Variants in TNIK observed in about 807,000 individuals in gnomAD.
TNIK encodes the protein TRAF2 and NCK interacting kinase, also known as TRAF2 and NCK-interacting protein kinase.
Under a neutral mutation model 191.3 loss-of-function variants are expected in TNIK, and 49 were observed. That is an observed-to-expected ratio of 0.26 (90% CI 0.20 to 0.32). The LOEUF (loss-of-function observed/expected upper bound fraction) is 0.32. Ranked by LOEUF, TNIK falls within the 10% of genes least tolerant of loss-of-function variation. TNIK has a pLI of 1.00. For missense variants in TNIK, 1,155 were observed against 1,702.3 expected (o/e 0.68, Z 5.66); for synonymous variants, 594 against 600.9 (o/e 0.99, Z 0.17).
intron 2 of TNIK, among the ~76,000 whole-genome samples, chr3:171,327,928 A>AAAAAAAAAC (rs1560433753): frequency 2.5e-4 from 33 of 129,502 alleles, no homozygotes; most frequent in African/African-American, 1.0e-3. Context: ...AAAAAAAAAA[A>AAAAAAAAAC]AAATCACTTG....
At chr3:171,274,939 C>T (rs190446221) in intron 2 of TNIK, among the ~76,000 whole-genome samples, 3 of 152,252 alleles carry the variant, frequency 2.0e-5, no homozygotes, top group Non-Finnish European at 2.9e-5. Flanking sequence ...TGAGATTCTT[C>T]GAAGGCCAGA....
At chr3:171,330,488 A>G (rs892037745) in intron 2 of TNIK, among the ~76,000 whole-genome samples, 1 of 152,218 alleles carries the variant, frequency 6.6e-6, no homozygotes, top group Non-Finnish European at 1.5e-5. Context: ...TTCTAGAGAT[A>G]GAGTGTATAG....
intron 1 of TNIK, among the ~76,000 whole-genome samples, chr3:171,421,517 T>G (rs1477718509): frequency 6.6e-6 from 1 of 152,110 alleles, no homozygotes; most frequent in East Asian, 1.9e-4. Flanking sequence ...ACCAGCCCTT[T>G]TGGGTGTGGG....
In TNIK at chr3:171,204,231, G is replaced by A. The variant is rs9839636; in HGVS notation, c.306+6885C>T. Among the ~76,000 whole-genome samples, 710 of 152,288 alleles carry A rather than the reference G, an allele frequency of 4.7e-3. 8 individuals carry two copies. Among genetic ancestry groups the A allele is most frequent in the African/African-American group, 0.016 (667 of 41,540 alleles). ...TTTTGATTTCCGGATCAGACCCTGA[G>A]CAGTTGATAAAGGAGAATTACTTGG... On this transcript the variant is annotated intron_variant, in intron 4 of 32. Coordinates refer to ENST00000436636, the MANE Select transcript of TNIK (RefSeq NM_015028.4).
At chr3:171,311,317 C>T (rs905882602) in intron 2 of TNIK, among the ~76,000 whole-genome samples, 1 of 152,062 alleles carries the variant, frequency 6.6e-6, no homozygotes, top group Non-Finnish European at 1.5e-5. Flanking sequence ...ATTATTCACT[C>T]ACTTGCTGAT....
intron 2 of TNIK, among the ~76,000 whole-genome samples, chr3:171,356,077 C>T (rs1324322225): frequency 4.6e-5 from 7 of 152,090 alleles, no homozygotes; most frequent in Non-Finnish European, 8.8e-5. Context: ...TAAGATTCAT[C>T]CATTTGCTCA....
At chr3:171,154,003 C>A (rs996262339) in intron 12 of TNIK, among the ~76,000 whole-genome samples, 1 of 152,200 alleles carries the variant, frequency 6.6e-6, no homozygotes, top group Non-Finnish European at 1.5e-5. Flanking sequence ...ATGGTGCCCA[C>A]ACAACAGAGG....
At chr3:171,104,641 A>T (rs2108472372) in intron 21 of TNIK, among the ~76,000 whole-genome samples, 1 of 152,006 alleles carries the variant, frequency 6.6e-6, no homozygotes, top group Non-Finnish European at 1.5e-5. Context: ...GTCCCTTTTT[A>T]GAAACAATAT....
intron 6 of TNIK, 105 bp from the exon 7 acceptor site, chr3:171,188,937 G>T: frequency 7.2e-7 from 1 of 1,397,866 alleles, no homozygotes; most frequent in Non-Finnish European, 9.7e-7. Flanking sequence ...GTAACATAAA[G>T]TGTACAATTT....
intron 2 of TNIK, among the ~76,000 whole-genome samples, chr3:171,253,592 C>A (rs189161299): frequency 1.5e-5 from 2 of 135,240 alleles, no homozygotes; most frequent in Non-Finnish European, 3.2e-5. Flanking sequence ...AGACAGGTCC[C>A]CCCCCCACCC....
At chr3:171,351,795 T>C (rs1296849151) in intron 2 of TNIK, among the ~76,000 whole-genome samples, 1 of 152,174 alleles carries the variant, frequency 6.6e-6, no homozygotes, top group Non-Finnish European at 1.5e-5. Flanking sequence ...TTCATCTCTG[T>C]GGGATATGAC....
chr3:171,201,908 G>A (rs1739462677), intron 4 of TNIK, among the ~76,000 whole-genome samples: 1 of 152,172 alleles, frequency 6.6e-6, no homozygotes, highest in Admixed American at 6.5e-5. Context: ...AAAAAGATGA[G>A]TTCCAAGGAT....
rs1299359300 is a variant in TNIK at position 171,161,274 on chromosome 3, G to A, written c.1012C>T (p.Pro338Ser). ...ACTTGGCTTTTGCTCTCATACCTGG[G>A]CTCTCCTGAGTCATTCTCCTCCTCT... ...EEEEENDSGE[P>S]SSILNLPGES... The change falls in exon 11 of 33, where the codon CCC becomes TCC. Residue 338 changes from proline (P) to serine (S), a missense_variant. By Grantham distance (74) the Pro-to-Ser change is moderately conservative. This residue lies in a region of TNIK where 225 missense variants were observed against 438.9 expected (regional missense o/e 0.51). Coordinates refer to ENST00000436636, the MANE Select transcript of TNIK (RefSeq NM_015028.4). 1.2e-6 allele frequency: 2 copies of A among 1,612,612 alleles called. No homozygotes were observed. Among genetic ancestry groups the A allele is most frequent in the African/African-American group, 1.3e-5 (1 of 74,994 alleles).
chr3:171,344,869 A>G (rs138790066), intron 2 of TNIK, among the ~76,000 whole-genome samples: 8 of 152,176 alleles, frequency 5.3e-5, no homozygotes, highest in Admixed American at 1.3e-4. Context: ...CTCTCTTTAT[A>G]TTTGCAACAC....
At chr3:171,329,161 C>T (rs1206780469) in intron 2 of TNIK, among the ~76,000 whole-genome samples, 3 of 152,054 alleles carry the variant, frequency 2.0e-5, no homozygotes, top group Non-Finnish European at 2.9e-5. Context: ...CTATCTGACA[C>T]GTTAACTATT....
intron 5 of TNIK, among the ~76,000 whole-genome samples, chr3:171,191,911 C>T (rs1054520860): frequency 6.6e-6 from 1 of 152,146 alleles, no homozygotes; most frequent in African/African-American, 2.4e-5. Context: ...TTATTTTATG[C>T]TAACACCTGA....
intron 2 of TNIK, among the ~76,000 whole-genome samples, chr3:171,294,000 G>A (rs938444065): frequency 6.6e-6 from 1 of 152,158 alleles, no homozygotes; most frequent in African/African-American, 2.4e-5. Context: ...TGAGGCAGGC[G>A]GATTGCCTGA....
At chr3:171,317,343 G>A (rs978869334) in intron 2 of TNIK, among the ~76,000 whole-genome samples, 1 of 152,126 alleles carries the variant, frequency 6.6e-6, no homozygotes, top group Non-Finnish European at 1.5e-5. Context: ...ACAGGCATCT[G>A]GATAGCAGCC....
At chr3:171,261,749 G>C (rs1365385062) in intron 2 of TNIK, among the ~76,000 whole-genome samples, 1 of 152,166 alleles carries the variant, frequency 6.6e-6, no homozygotes, top group Non-Finnish European at 1.5e-5. Context: ...AATGGGCGAG[G>C]CACCCTCTTC....
Sources: gnomAD v4.1 joint callset for allele counts (sites outside exome capture counted in the v4.1 genomes callset) on GRCh38, gnomAD v4.1.1 for gene constraint, gnomAD v4.1.1 regional missense constraint, MANE v1.5 for transcripts, NCBI Gene and HGNC (gene_info 2026-07-23, HGNC 2026-07-21) for gene names.